Variants in NEGR1 observed in about 807,000 individuals in gnomAD.
NEGR1 encodes neuronal growth regulator 1.
NEGR1 carries 10 observed loss-of-function variants against 40.9 expected under a neutral mutation model. The ratio of observed to expected loss-of-function variants is 0.24; its 90% CI spans 0.15 to 0.42. The LOEUF (loss-of-function observed/expected upper bound fraction) is 0.42, where lower values mean the gene tolerates loss of function less well. NEGR1 is among the 10% of genes least tolerant of loss of function. The probability of loss-of-function intolerance (pLI) is 1.00; values close to 1 mark genes in which losing one functional copy is unlikely to be tolerated. For synonymous variants in NEGR1, 185 were observed against 166.8 expected (o/e 1.11, Z -0.84); for missense variants, 352 against 438.9 (o/e 0.80, Z 1.77).
At chr1:72,230,174 G>A (rs979385690) in intron 1 of NEGR1, among the ~76,000 whole-genome samples, 3 of 152,050 alleles carry the variant, frequency 2.0e-5, no homozygotes, top group African/African-American at 7.2e-5. Context: ...CTTCAGAATG[G>A]AGTTACCTAT....
intron 1 of NEGR1, among the ~76,000 whole-genome samples, chr1:72,077,718 T>C (rs773294849): frequency 6.6e-5 from 10 of 151,472 alleles, no homozygotes; most frequent in Non-Finnish European, 1.3e-4. Flanking sequence ...GAGGCTGAGG[T>C]GGGAGGAACA....
intron 6 of NEGR1, among the ~76,000 whole-genome samples, chr1:71,457,766 A>G (rs1234949300): frequency 6.6e-6 from 1 of 151,820 alleles, no homozygotes; most frequent in Non-Finnish European, 1.5e-5. Context: ...AGTGCAGTGG[A>G]TCTCGGCTCA....
chr1:72,089,699 C>T (rs1317282046), intron 1 of NEGR1, among the ~76,000 whole-genome samples: 1 of 152,046 alleles, frequency 6.6e-6, no homozygotes, highest in Non-Finnish European at 1.5e-5. Flanking sequence ...TCCTGATAGT[C>T]TTCTTTCCTT....
chr1:71,766,983 C>T (rs558619103), intron 3 of NEGR1, among the ~76,000 whole-genome samples: 50 of 152,180 alleles, frequency 3.3e-4, no homozygotes, highest in Non-Finnish European at 6.5e-4. Flanking sequence ...GAAGTTGCTA[C>T]GCTTCCTGTA....
intron 6 of NEGR1, among the ~76,000 whole-genome samples, chr1:71,426,246 T>C (rs1234135069): frequency 6.6e-6 from 1 of 152,188 alleles, no homozygotes; most frequent in African/African-American, 2.4e-5. Context: ...TTTAAGCTGC[T>C]ATTTGCTACT....
chr1:71,932,857 T>C (rs1265421854), intron 2 of NEGR1, among the ~76,000 whole-genome samples: 2 of 152,096 alleles, frequency 1.3e-5, no homozygotes, highest in African/African-American at 4.8e-5. Flanking sequence ...CTTTTGTTCA[T>C]TGAGAAGAAA....
intron 2 of NEGR1, among the ~76,000 whole-genome samples, chr1:71,907,178 A>G (rs1012229080): frequency 4.6e-5 from 7 of 152,142 alleles, no homozygotes; most frequent in African/African-American, 1.4e-4. Flanking sequence ...CATGCTTCCA[A>G]GAGATAACTC....
intron 1 of NEGR1, among the ~76,000 whole-genome samples, chr1:72,272,060 T>A (rs1655865056): frequency 6.6e-6 from 1 of 151,864 alleles, no homozygotes; most frequent in South Asian, 2.1e-4. Flanking sequence ...TACAGAAAAT[T>A]ATGGGTTTAG....
chr1:71,638,996 A>G (rs1002712604), intron 4 of NEGR1, among the ~76,000 whole-genome samples: 10 of 151,936 alleles, frequency 6.6e-5, no homozygotes, highest in Admixed American at 3.3e-4. Context: ...AATAAAATAA[A>G]ATAAAATAAG....
chr1:71,462,791 C>A (rs1646722372), intron 6 of NEGR1, among the ~76,000 whole-genome samples: 1 of 151,944 alleles, frequency 6.6e-6, no homozygotes, highest in African/African-American at 2.4e-5. Context: ...TTGTGTTTCT[C>A]AAAAGGAATA....
chr1:72,262,250 G>C (rs1557603502), intron 1 of NEGR1, among the ~76,000 whole-genome samples: 1 of 152,002 alleles, frequency 6.6e-6, no homozygotes, highest in Admixed American at 6.6e-5. Context: ...AATAATATAT[G>C]TAGAAATTAT....
At chr1:72,165,961 T>C (rs17092410) in intron 1 of NEGR1, among the ~76,000 whole-genome samples, 94 of 152,152 alleles carry the variant, frequency 6.2e-4, no homozygotes, top group African/African-American at 2.1e-3. Context: ...TGGATTGCAG[T>C]GTCAGAAATT....
chr1:71,980,667 A>C (rs919241166), intron 1 of NEGR1, among the ~76,000 whole-genome samples: 6 of 152,146 alleles, frequency 3.9e-5, no homozygotes, highest in African/African-American at 1.4e-4. Flanking sequence ...CCCTTAGCCC[A>C]TAACATAATA....
intron 1 of NEGR1, among the ~76,000 whole-genome samples, chr1:72,268,801 G>T (rs1655741481): frequency 6.6e-6 from 1 of 151,532 alleles, no homozygotes; most frequent in African/African-American, 2.4e-5. Context: ...ATAGCCAAAT[G>T]AGATAACAGA....
intron 6 of NEGR1, chr1:71,439,896 T>C (rs915253408): frequency 6.6e-6 from 1 of 151,992 alleles, no homozygotes; most frequent in Non-Finnish European, 1.5e-5. Flanking sequence ...AAATAAATTT[T>C]GGTCTGTTCT....
chr1:71,916,478 T>C (rs898093466), intron 2 of NEGR1, among the ~76,000 whole-genome samples: 2 of 152,082 alleles, frequency 1.3e-5, no homozygotes, highest in Non-Finnish European at 2.9e-5. Flanking sequence ...CCAGGCCAGG[T>C]GCTGTGGCTC....
intron 4 of NEGR1, among the ~76,000 whole-genome samples, chr1:71,683,757 C>G (rs1652919236): frequency 7.1e-6 from 1 of 141,552 alleles, no homozygotes. Flanking sequence ...ACTACCCCCA[C>G]CAAAAGTTAC....
At chr1:71,603,046 C>G (rs1425902293) in intron 5 of NEGR1, among the ~76,000 whole-genome samples, 1 of 152,094 alleles carries the variant, frequency 6.6e-6, no homozygotes, top group African/African-American at 2.4e-5. Flanking sequence ...CAACATAACA[C>G]GACATAGCAA....
intron 6 of NEGR1, among the ~76,000 whole-genome samples, chr1:71,579,682 T>C (rs1027131151): frequency 6.6e-6 from 1 of 150,550 alleles, no homozygotes; most frequent in Non-Finnish European, 1.5e-5. Context: ...GTTTAACATA[T>C]AGATTCCTCC....
Sources: gnomAD v4.1 joint callset for allele counts (sites outside exome capture counted in the v4.1 genomes callset) on GRCh38, gnomAD v4.1.1 for gene constraint, MANE v1.5 for transcripts, NCBI Gene and HGNC (gene_info 2026-07-23, HGNC 2026-07-21) for gene names.